SYTL2: variants seen among roughly 807,000 people sequenced by gnomAD.
SYTL2 encodes synaptotagmin-like protein 2.
A neutral mutation model predicts 198.7 loss-of-function variants in SYTL2; 165 were observed. The ratio of observed to expected loss-of-function variants is 0.83; its 90% CI spans 0.73 to 0.94. The LOEUF (loss-of-function observed/expected upper bound fraction) is 0.94. Ranked by LOEUF, SYTL2 falls within the 40% of genes least tolerant of loss-of-function variation. The pLI is 0.00. For missense variants in SYTL2, 2,835 were observed against 2,582.8 expected (o/e 1.10, Z -2.12); for synonymous variants, 966 against 917.7 (o/e 1.05, Z -0.95).
intron 14 of SYTL2, among the ~76,000 whole-genome samples, chr11:85,708,754 C>T (rs1032624324): frequency 6.7e-6 from 1 of 149,604 alleles, no homozygotes; most frequent in Non-Finnish European, 1.5e-5. Flanking sequence ...CTGGTCCTTG[C>T]GTTCTTATCT....
the SYTL2 span, among the ~76,000 whole-genome samples, chr11:85,847,822 TC>T: frequency 1.4e-4 from 22 of 152,234 alleles, no homozygotes; most frequent in Non-Finnish European, 2.6e-4. Flanking sequence ...TTGGTTTTTT[TC>T]CTATTGAGCT....
At chr11:85,848,283 C>A in the SYTL2 span, among the ~76,000 whole-genome samples, 1 of 150,822 alleles carries the variant, frequency 6.6e-6, no homozygotes, top group Non-Finnish European at 1.5e-5. Context: ...AAAAAAAAAC[C>A]AAACCCTCAA....
intron 6 of SYTL2, among the ~76,000 whole-genome samples, chr11:85,735,134 C>T (rs983837609): frequency 5.3e-5 from 8 of 152,146 alleles, no homozygotes; most frequent in African/African-American, 1.9e-4. Flanking sequence ...GGAGGCTATG[C>T]CTGTGTGGGG....
chr11:85,696,522 T>A (rs767173917), intron 18 of SYTL2, 134 bp from the exon 19 acceptor site: 15 of 722,702 alleles, frequency 2.1e-5, no homozygotes, highest in African/African-American at 3.5e-5. Context: ...GGTGGTGGTT[T>A]GGCAGACAGT....
At chr11:85,832,840 AT>A in the SYTL2 span, among the ~76,000 whole-genome samples, 1 of 150,588 alleles carries the variant, frequency 6.6e-6, no homozygotes. Flanking sequence ...AAAAAAAAAA[AT>A]TTTAATTAGC....
the SYTL2 span, among the ~76,000 whole-genome samples, chr11:85,817,215 TA>T: frequency 1.3e-5 from 2 of 152,330 alleles, no homozygotes; most frequent in South Asian, 4.1e-4. Flanking sequence ...GGAACTAGAC[TA>T]AATTCGTGTA....
intron 7 of SYTL2, among the ~76,000 whole-genome samples, chr11:85,728,968 C>G (rs2153474113): frequency 6.6e-6 from 1 of 152,184 alleles, no homozygotes; most frequent in African/African-American, 2.4e-5. Flanking sequence ...TGTTTTCAAT[C>G]CAACAAAGAT....
chr11:85,714,533 A>G, intron 11 of SYTL2, 26 bp from the exon 12 acceptor site: 1 of 1,598,452 alleles, frequency 6.3e-7, no homozygotes, highest in Non-Finnish European at 8.6e-7. Context: ...TCCATTTCAA[A>G]ATTATTCTTA....
At position 85,791,166 on chromosome 11, in the gene SYTL2, C is replaced by CAAAAAAAAAAAAAAAAA. The variant is rs568061365; in HGVS notation, c.-390+19771_-390+19787dup. On this transcript the variant is annotated intron_variant, in intron 1 of 19. Transcript: ENST00000359152. Reference sequence around the variant, plus strand: ...TGGGCAGCAGAGCTAGAGTCTGCCTCAAAAAAAAAAAAAAAAAAAAAAAAA... The same window carrying CAAAAAAAAAAAAAAAAA: ...TGGGCAGCAGAGCTAGAGTCTGCCTCAAAAAAAAAAAAAAAAAAAAAAAAAAAAAAAAAAAAAAAAAA... Among the ~76,000 whole-genome samples the CAAAAAAAAAAAAAAAAA allele has an allele frequency of 3.0e-4, 12 of 39,530 alleles. 1 individual carries two copies. The highest frequency in any genetic ancestry group is 4.7e-4 in the Admixed American group (1 of 2,110). The allele number at this position is 39,530 out of a possible 152,430, so 25.9% of individuals were successfully genotyped here.
rs923636366 is a variant in SYTL2, at chr11:85,757,949, G to A, written c.-224C>T. The A allele has an allele frequency of 3.2e-5, 17 of 535,292 alleles. No individual in the cohort carries two copies. Among genetic ancestry groups the A allele is most frequent in the Middle Eastern group, 5.3e-4 (1 of 1,890 alleles). 33.2% of individuals were successfully genotyped at this position (535,292 alleles called of 1,614,324 possible). Reference sequence around the variant, plus strand: ...AAGTCCTGGTCTGTGGGATAGTGTCGAGAAGAGGCTCTCAGAAGGATGCTG... The same window carrying A: ...AAGTCCTGGTCTGTGGGATAGTGTCAAGAAGAGGCTCTCAGAAGGATGCTG... On this transcript the variant is annotated 5_prime_UTR_variant, in exon 2 of 20. Transcript: ENST00000359152.
intron 14 of SYTL2, among the ~76,000 whole-genome samples, chr11:85,708,827 C>T (rs768387539): frequency 3.7e-5 from 5 of 136,222 alleles, no homozygotes; most frequent in Non-Finnish European, 7.8e-5. Context: ...ACATTTTGTG[C>T]TTCTCTGTGA....
rs758655990 is a variant in SYTL2, at chr11:85,726,071, T to C, written c.3287A>G (p.Glu1096Gly). The C allele has an allele frequency of 1.2e-5, 19 of 1,613,522 alleles. No individual in the cohort carries two copies. Among genetic ancestry groups the C allele is most frequent in the Middle Eastern group, 1.7e-4 (1 of 6,060 alleles). The change falls in exon 8 of 20, where the codon GAA (glutamate) becomes GGA (glycine). Residue 1096 changes from glutamate (E) to glycine (G), a missense_variant. Transcript: ENST00000359152. ...CTTAAACACTGGAGTAACAATCCCT[T>C]CCGTATTCTTTTCCACATTTTCCTT... ...SSKENVEKNT[E>G]GIVTPVFKEE...
intron 4 of SYTL2, among the ~76,000 whole-genome samples, chr11:85,741,981 C>T (rs766654982): frequency 2.0e-5 from 3 of 152,140 alleles, no homozygotes; most frequent in South Asian, 2.1e-4. Flanking sequence ...CATTTTCTTG[C>T]GATTTTACAG....
chr11:85,853,209 T>C, the SYTL2 span: 5 of 416,426 alleles, frequency 1.2e-5, no homozygotes, highest in African/African-American at 2.1e-5. Flanking sequence ...GGCGGTTTTG[T>C]GGAATAGAAA....
chr11:85,824,823 GCCTGTGTAACATTTAT>G, the SYTL2 span, among the ~76,000 whole-genome samples: 6 of 152,104 alleles, frequency 3.9e-5, no homozygotes, highest in Non-Finnish European at 7.4e-5. Flanking sequence ...AGCTGCTATG[GCCTGTGTAACATTTAT>G]CCTGCGAAGA....
In SYTL2 at chr11:85,696,290, C is replaced by T. The variant is rs758556075; in HGVS notation, c.6467G>A (p.Gly2156Glu). ...TTCCATCAGATCTTCAGGCCTGAAC[C>T]CATCATACACCATAGTGTGGTTGAA... ...PIFNHTMVYDGFRPEDLMEAC... is the reference protein window; with the variant it reads ...PIFNHTMVYDEFRPEDLMEAC... The change falls in exon 19 of 20, where the codon GGG becomes GAG. Residue 2156 changes from glycine to glutamate, a missense_variant. By Grantham distance (98) the Gly-to-Glu change is moderately conservative (BLOSUM62 -2). Around this residue, in one of 3 missense-constraint regions of SYTL2, gnomAD observed 185 missense variants for 182.1 expected, o/e 1.02. Transcript: ENST00000359152. 2.9e-5 allele frequency: 46 copies of T among 1,613,914 alleles called. No homozygotes were observed. Among genetic ancestry groups the T allele is most frequent in the Non-Finnish European group, 3.5e-5 (41 of 1,179,934 alleles).
At chr11:85,833,146 GGAAGGAAGGAAAGAAA>G in the SYTL2 span, among the ~76,000 whole-genome samples, 2,441 of 82,668 alleles carry the variant, frequency 0.03, 232 homozygotes, top group African/African-American at 0.068. Context: ...AAGGAAGGAA[GGAAGGAAGGAAAGAAA>G]GAAAGAAAGA....
rs542744031 is a variant in SYTL2 at position 85,806,798 on chromosome 11, A to T, written c.-390+4156T>A. On this transcript the variant is annotated intron_variant, in intron 1 of 19. Transcript: ENST00000359152. ...TGAATAGAAAACAACCCAGAATCAG[A>T]CTTTTAAGACAAGAAGGACCCTCAT... Among the ~76,000 whole-genome samples the T allele has an allele frequency of 3.3e-5, 5 of 152,350 alleles. No homozygotes were observed. In the East Asian group the frequency reaches 9.6e-4, roughly 29 times the overall value.
intron 1 of SYTL2, among the ~76,000 whole-genome samples, chr11:85,790,602 G>C (rs1439283138): frequency 6.6e-6 from 1 of 152,116 alleles, no homozygotes; most frequent in Non-Finnish European, 1.5e-5. Context: ...TCCCATTCCA[G>C]GTTCACCTGT....
Sources: allele counts gnomAD v4.1 joint callset (sites outside exome capture counted in the v4.1 genomes callset), GRCh38; gene constraint gnomAD v4.1.1; regional missense constraint gnomAD v4.1.1; transcripts MANE v1.5; gene names NCBI Gene and HGNC (gene_info 2026-07-23, HGNC 2026-07-21).